Variants in METTL2A observed in about 807,000 individuals in gnomAD.
The protein encoded by METTL2A is methyltransferase 2A, tRNA N3-cytidine.
A neutral mutation model predicts 49.4 loss-of-function variants in METTL2A; 45 were observed. The observed-to-expected ratio is 0.91, with a 90% CI of 0.72 to 1.17. METTL2A has a LOEUF of 1.17. METTL2A is among the 50% of genes most tolerant of loss of function. The probability of loss-of-function intolerance (pLI) is 0.00; values close to 1 mark genes in which losing one functional copy is unlikely to be tolerated. For synonymous variants in METTL2A, 118 were observed against 167.5 expected, an observed-to-expected ratio of 0.70 and a Z score of 2.28; for missense variants, 361 against 462.2, an observed-to-expected ratio of 0.78 and a Z score of 2.01.
intron 7 of METTL2A, among the ~76,000 whole-genome samples, chr17:62,446,402 T>C (rs1380514260): frequency 2.0e-5 from 3 of 152,110 alleles, no homozygotes; most frequent in African/African-American, 2.4e-5. Flanking sequence ...CCTCTGTCTC[T>C]TGGGTTCAAG....
At chr17:62,433,354 G>T (rs2070678614) in intron 4 of METTL2A, among the ~76,000 whole-genome samples, 1 of 151,346 alleles carries the variant, frequency 6.6e-6, no homozygotes, top group Admixed American at 6.6e-5. Flanking sequence ...GAATGGCTTG[G>T]ACCCAGGAGT....
At position 62,440,861 on chromosome 17, in the gene METTL2A, A is replaced by G. The variant is rs563992864; in HGVS notation, c.809+105A>G. The stretch of plus-strand genomic sequence containing the variant: ...GCTCTGTCAGCCCAGGCTGGAGTGC[A>G]GTGGCACGATCATGGCTCACTGCAG... On this transcript the variant is annotated intron_variant, in intron 6 of 8. Transcript: ENST00000311506. The G allele has an allele frequency of 1.2e-5, 17 of 1,420,610 alleles. No individual in the cohort carries two copies. The African/African-American group carries it at 2.3e-4, about 19-fold the overall frequency. The allele number at this position is 1,420,610 out of a possible 1,614,324, so 88.0% of individuals were successfully genotyped here. A position where few individuals can be genotyped will look rare whatever the true frequency, so the allele number is the denominator to read the frequency against.
intron 7 of METTL2A, among the ~76,000 whole-genome samples, 174 bp from the exon 8 acceptor site, chr17:62,447,527 G>C (rs1413062446): frequency 1.3e-5 from 2 of 152,170 alleles, no homozygotes; most frequent in Non-Finnish European, 2.9e-5. Context: ...GGGGTGCTTA[G>C]GAACGTCATG....
At chr17:62,424,607 G>C (rs1483426722) in intron 2 of METTL2A, among the ~76,000 whole-genome samples, 2 of 152,122 alleles carry the variant, frequency 1.3e-5, no homozygotes, top group African/African-American at 4.8e-5. Flanking sequence ...ACAACTGTGT[G>C]GTCACGCGAT....
Position 62,423,985 on chromosome 17 carries a change from C to G in METTL2A, c.83C>G (p.Pro28Arg). ...TTCGGAAGCCGGTTCCTGAGAGATC[C>G]GGCGCGCGTCTTCCACCACAATGCC... is the stretch of plus-strand genomic sequence containing the variant. Reference protein sequence around the residue: ...QQFGSRFLRDPARVFHHNAWD... With the variant: ...QQFGSRFLRDRARVFHHNAWD... Residue 28 changes from proline to arginine, a missense_variant, in exon 1 of 9, where the codon CCG (proline) becomes CGG (arginine). By Grantham distance (103) the Pro-to-Arg change is moderately radical. Transcript: ENST00000311506. The G allele has an allele frequency of 6.2e-7, 1 of 1,613,994 alleles. No individual in the cohort carries two copies. Among genetic ancestry groups the G allele is most frequent in the Non-Finnish European group, 8.5e-7 (1 of 1,180,004 alleles).
intron 4 of METTL2A, among the ~76,000 whole-genome samples, chr17:62,430,655 C>T (rs946565514): frequency 1.3e-5 from 2 of 152,130 alleles, no homozygotes; most frequent in Non-Finnish European, 2.9e-5. Flanking sequence ...TAGAAAACTT[C>T]CCTAGTTGTT....
At chr17:62,435,386 C>G in intron 5 of METTL2A, 94 bp downstream of exon 5, 1 of 1,559,438 alleles carries the variant, frequency 6.4e-7, no homozygotes, top group Non-Finnish European at 8.8e-7. Flanking sequence ...TGTTCTTATA[C>G]AGTCTGTGTT....
rs142823806 is a variant in METTL2A, at chr17:62,431,954, C to T, written c.609-3278C>T. Among the ~76,000 whole-genome samples the T allele has an allele frequency of 4.3e-3, 652 of 152,106 alleles. 4 individuals are homozygous for T. The highest frequency in any genetic ancestry group is 8.0e-3 in the Non-Finnish European group (541 of 67,930). On this transcript the variant is annotated intron_variant, in intron 4 of 8. Transcript: ENST00000311506. Reference sequence around the variant, plus strand: ...CAGGCTGGTCTCAAATTCCTGACCTCGTGATCTGCCTGCCTCGGCCTGCCA... The same window carrying T: ...CAGGCTGGTCTCAAATTCCTGACCTTGTGATCTGCCTGCCTCGGCCTGCCA...
rs1053130 is a variant in METTL2A at position 62,448,773 on chromosome 17, G to C, written c.*44G>C. On this transcript the variant is annotated 3_prime_UTR_variant, in exon 9 of 9. Coordinates refer to ENST00000311506, the MANE Select transcript of METTL2A (RefSeq NM_181725.4). ...ACGATGCAAGCCCATTGTGTTTCCG[G>C]GCTTTTTTAAAAAAAAAATTGTAGC... 6.2e-7 allele frequency: 1 copy of C among 1,601,724 alleles called. No homozygotes were observed. The highest frequency in any genetic ancestry group is 1.1e-5 in the South Asian group (1 of 89,688).
intron 4 of METTL2A, among the ~76,000 whole-genome samples, chr17:62,434,183 C>A (rs1371940207): frequency 1.3e-5 from 2 of 152,198 alleles, no homozygotes; most frequent in East Asian, 3.8e-4. Context: ...CATCTTCACT[C>A]TCCCTTATGA....
rs1397192239 is a variant in METTL2A, at chr17:62,452,833, C to T, written c.*4104C>T. Among the ~76,000 whole-genome samples the T allele has an allele frequency of 2.6e-5, 4 of 152,260 alleles. No homozygotes were observed. The highest frequency in any genetic ancestry group is 3.4e-3 in the Middle Eastern group (1 of 292). ...TCATGTGTCCCAGGCTGGTCTTGAACTCCTGAGCTCAAGCAATCCTCCCAC... is the reference window on the plus strand; with the variant it reads ...TCATGTGTCCCAGGCTGGTCTTGAATTCCTGAGCTCAAGCAATCCTCCCAC... On this transcript the variant is annotated 3_prime_UTR_variant, in exon 9 of 9. Coordinates refer to ENST00000311506, the MANE Select transcript of METTL2A (RefSeq NM_181725.4).
Position 62,453,088 on chromosome 17 carries a change from C to A in METTL2A, c.*4359C>A, listed in dbSNP as rs1278478063. The stretch of plus-strand genomic sequence containing the variant: ...TTCTCTAAAGACTGTCCTTCAGCAT[C>A]CCTAAAGCATTTCAACACTATAGGC... On this transcript the variant is annotated 3_prime_UTR_variant, in exon 9 of 9. Coordinates refer to ENST00000311506, the MANE Select transcript of METTL2A (RefSeq NM_181725.4). Among the ~76,000 whole-genome samples, 1 of 152,176 alleles carries A rather than the reference C, an allele frequency of 6.6e-6. No individual in the cohort carries two copies. Among genetic ancestry groups the A allele is most frequent in the Non-Finnish European group, 1.5e-5 (1 of 68,036 alleles).
At chr17:62,427,763 A>G (rs749737994) in intron 3 of METTL2A, 25 bp from the exon 4 acceptor site, 2 of 1,604,232 alleles carry the variant, frequency 1.2e-6, no homozygotes, top group Non-Finnish European at 8.5e-7. Context: ...AAGTTCTGTG[A>G]TTAATAGTTC....
chr17:62,440,196 T>C (rs1404128883), intron 5 of METTL2A, among the ~76,000 whole-genome samples: 1 of 152,098 alleles, frequency 6.6e-6, no homozygotes, highest in Non-Finnish European at 1.5e-5. Flanking sequence ...CAGCTAATTT[T>C]GTATTTTTAG....
At chr17:62,435,096 T>C (rs1410177832) in intron 4 of METTL2A, 136 bp from the exon 5 acceptor site, 11 of 1,317,944 alleles carry the variant, frequency 8.3e-6, no homozygotes, top group Non-Finnish European at 1.1e-5. Flanking sequence ...ATGAAATATG[T>C]TGTGACTAAT....
intron 2 of METTL2A, among the ~76,000 whole-genome samples, chr17:62,426,004 A>G (rs1016100876): frequency 6.6e-6 from 1 of 151,600 alleles, no homozygotes; most frequent in Non-Finnish European, 1.5e-5. Flanking sequence ...CTGTCTCAAA[A>G]AAAAAAAAAA....
In METTL2A at chr17:62,450,823, A is replaced by G. The variant is rs2070801608; in HGVS notation, c.*2094A>G. 1 of 152,206 alleles carries G rather than the reference A, an allele frequency of 6.6e-6. No homozygotes were observed. Among genetic ancestry groups the G allele is most frequent in the Admixed American group, 6.6e-5 (1 of 15,262 alleles). The allele number at this position is 152,206 out of a possible 1,614,324, so 9.4% of individuals were successfully genotyped here. ...GGTGACAAGAGCGAAACTGCATCTC[A>G]GAAACAAAGATGCCTAGCTTTCACC... On this transcript the variant is annotated 3_prime_UTR_variant, in exon 9 of 9. Coordinates refer to ENST00000311506, the MANE Select transcript of METTL2A (RefSeq NM_181725.4).
intron 4 of METTL2A, among the ~76,000 whole-genome samples, chr17:62,433,797 C>A (rs2070682336): frequency 6.6e-6 from 1 of 151,798 alleles, no homozygotes; most frequent in South Asian, 2.1e-4. Flanking sequence ...CGCGGTGGCT[C>A]ACCCCTGAAA....
chr17:62,432,518 CG>C (rs950093474), intron 4 of METTL2A, among the ~76,000 whole-genome samples: 1 of 151,830 alleles, frequency 6.6e-6, no homozygotes, highest in African/African-American at 2.4e-5. Flanking sequence ...AAAAATTAGC[CG>C]CCAGGCGCTG....
Sources: allele counts gnomAD v4.1 joint callset (sites outside exome capture counted in the v4.1 genomes callset), GRCh38; gene constraint gnomAD v4.1.1; transcripts MANE v1.5; gene names NCBI Gene and HGNC (gene_info 2026-07-23, HGNC 2026-07-21).